The following SRRM2 variants were observed in gnomAD, a reference collection of about 807,000 sequenced individuals.
SRRM2 encodes serine/arginine repetitive matrix protein 2.
Under a neutral mutation model 213.8 loss-of-function variants are expected in SRRM2, and 30 were observed. The ratio of observed to expected loss-of-function variants is 0.14; its 90% CI spans 0.10 to 0.19. SRRM2 has a LOEUF of 0.19. Ranked by LOEUF, SRRM2 falls within the 10% of genes least tolerant of loss-of-function variation. The pLI, the probability that SRRM2 is intolerant of heterozygous loss-of-function variation, is 1.00. For missense variants in SRRM2, 4,904 were observed against 3,647.0 expected (o/e 1.34, Z -8.88); for synonymous variants, 2,025 against 1,377.7 (o/e 1.47, Z -10.40).
In SRRM2 at chr16:2,769,300, C is replaced by G. The variant is rs2068655741; in HGVS notation, c.8021+16C>G. The G allele has an allele frequency of 6.5e-7, 1 of 1,540,922 alleles. No homozygotes were observed. Among genetic ancestry groups the G allele is most frequent in the African/African-American group, 1.4e-5 (1 of 72,694 alleles). ...GCGAGCGGAGGTGAGTGCTGTCTTG[C>G]CTGAGTTGAAAGGTGGGTGGGGGAG... is the stretch of plus-strand genomic sequence containing the variant. On this transcript the variant is annotated intron_variant, in intron 12 of 14. Coordinates refer to ENST00000301740, the MANE Select transcript of SRRM2 (RefSeq NM_016333.4).
In SRRM2 at chr16:2,759,020, A is replaced by G. The variant is rs781675577; in HGVS notation, c.629A>G (p.Lys210Arg). ...SESSSPRRER[K>R]KSSKKKKHRS... ...AGCAGCTCTCCTCGACGGGAGAGAA[A>G]GAAAAGCTCAAAGAAGAAGAAGCAC... The change falls in exon 6 of 15, where the codon AAG becomes AGG. Residue 210 changes from lysine (K) to arginine (R), a missense_variant. Transcript: ENST00000301740. 20 of 1,614,108 alleles carry G rather than the reference A, an allele frequency of 1.2e-5. No homozygotes were observed. The Middle Eastern group carries it at 4.9e-4, about 40-fold the overall frequency.
At chr16:2,769,308 GA>G in intron 12 of SRRM2, 24 bp downstream of exon 12, 1 of 1,535,906 alleles carries the variant, frequency 6.5e-7, no homozygotes, top group Non-Finnish European at 8.8e-7. Flanking sequence ...TGCCTGAGTT[GA>G]AAGGTGGGTG....
Position 2,768,139 on chromosome 16 carries a change from G to T in SRRM2, c.7611G>T (p.Ser2537=). The T allele has an allele frequency of 6.2e-7, 1 of 1,613,590 alleles. No homozygotes were observed. Among genetic ancestry groups the T allele is most frequent in the Non-Finnish European group, 8.5e-7 (1 of 1,179,634 alleles). ...AKERRSSSSS[S]SSSSSSSSSS... is the part of the protein sequence containing the mutation. ...AGCGGCGGAGTTCCTCCTCGTCGTC[G>T]TCGTCCTCTAGCTCCTCCTCTTCTT... The change falls in exon 11 of 15, where the codon TCG becomes TCT. Residue 2537 remains serine (S), a synonymous_variant. Transcript: ENST00000301740.
Position 2,764,529 on chromosome 16 carries a change from G to A in SRRM2, c.4001G>A (p.Arg1334Lys), listed in dbSNP as rs760640254. 1.2e-6 allele frequency: 2 copies of A among 1,614,166 alleles called. No individual in the cohort carries two copies. The highest frequency in any genetic ancestry group is 1.7e-6 in the Non-Finnish European group (2 of 1,180,030). Residue 1334 changes from arginine to lysine, a missense_variant, in exon 11 of 15, where the codon AGA becomes AAA. Physicochemically the swap from Arg to Lys is conservative, Grantham distance 26. Transcript: ENST00000301740. The stretch of plus-strand genomic sequence containing the variant: ...AGCTTTGGATCACCTTTAGAATTTA[G>A]AAACTCAGGCCCACTTGGTACAGAA... The part of the protein sequence containing the change: ...ENSFGSPLEF[R>K]NSGPLGTEMN...
rs1161088194 is a variant in SRRM2, at chr16:2,762,991, G to A, written c.2463G>A (p.Pro821=). ...PPRRSRSSSS[P]PPKQKSKTPS... ...GACGCAGTCGCTCCAGTTCTTCTCC[G>A]CCACCTAAACAGAAATCTAAGACAC... The change falls in exon 11 of 15, where the codon CCG becomes CCA. Residue 821 remains proline (P), a synonymous_variant. Transcript: ENST00000301740. 8.1e-6 allele frequency: 13 copies of A among 1,613,634 alleles called. No individual in the cohort carries two copies. The highest frequency in any genetic ancestry group is 2.2e-5 in the East Asian group (1 of 44,862).
At position 2,765,569 on chromosome 16, in the gene SRRM2, A is replaced by C. The variant is rs1157859731; in HGVS notation, c.5041A>C (p.Lys1681Gln). Residue 1681 changes from lysine to glutamine, a missense_variant, in exon 11 of 15, where the codon AAG becomes CAG. By Grantham distance (53) the Lys-to-Gln change is moderately conservative. Transcript: ENST00000301740. The part of the protein sequence containing the change: ...GSRSSPEPKT[K>Q]SRTPPRRRSS... Reference sequence around the variant, plus strand: ...CAGGTCATCACCAGAGCCCAAGACCAAGTCTCGTACACCACCTCGACGTCG... The same window carrying C: ...CAGGTCATCACCAGAGCCCAAGACCCAGTCTCGTACACCACCTCGACGTCG... The C allele has an allele frequency of 1.2e-6, 2 of 1,614,062 alleles. No homozygotes were observed. Among genetic ancestry groups the C allele is most frequent in the Non-Finnish European group, 8.5e-7 (1 of 1,180,026 alleles).
Position 2,767,950 on chromosome 16 carries a change from C to A in SRRM2, c.7422C>A (p.Ser2474=). The change falls in exon 11 of 15, where the codon TCC becomes TCA. Residue 2474 remains serine (S), a synonymous_variant. Coordinates refer to ENST00000301740, the MANE Select transcript of SRRM2 (RefSeq NM_016333.4). ...CCACCCCTGTAGCAGGGTCTCAGTC[C>A]CTTTCCTCTGGGGCAGTGGCAACGA... is the stretch of plus-strand genomic sequence containing the variant. ...AQTTPVAGSQ[S]LSSGAVATTT... 1 of 1,614,176 alleles carries A rather than the reference C, an allele frequency of 6.2e-7. No homozygotes were observed. The highest frequency in any genetic ancestry group is 8.5e-7 in the Non-Finnish European group (1 of 1,180,026).
intron 1 of SRRM2, among the ~76,000 whole-genome samples, 182 bp downstream of exon 1, chr16:2,753,028 C>G (rs1310232356): frequency 8.1e-6 from 1 of 123,142 alleles, no homozygotes; most frequent in Non-Finnish European, 1.7e-5. Context: ...CTGTCGCGCG[C>G]GGGCTTCACC....
At position 2,771,097 on chromosome 16, in the gene SRRM2, G is replaced by GGGTGGT; in HGVS notation, c.*230_*231insGGTGGT. On this transcript the variant is annotated 3_prime_UTR_variant, in exon 15 of 15. Coordinates refer to ENST00000301740, the MANE Select transcript of SRRM2 (RefSeq NM_016333.4). Reference sequence around the variant, plus strand: ...GTTCTGGGGGGTTTGGGGTGGGAGGGAATGCAGATGGGAGTTGGGGGAGGG... The same window carrying GGGTGGT: ...GTTCTGGGGGGTTTGGGGTGGGAGGGGGTGGTAATGCAGATGGGAGTTGGGGGAGGG... 5.9e-6 allele frequency: 2 copies of GGGTGGT among 336,636 alleles called. No homozygotes were observed. The highest frequency in any genetic ancestry group is 5.7e-6 in the Non-Finnish European group (1 of 174,698). 20.9% of individuals were successfully genotyped at this position (336,636 alleles called of 1,614,324 possible).
chr16:2,760,203 C>A, intron 9 of SRRM2, 98 bp from the exon 10 acceptor site: 1 of 1,212,970 alleles, frequency 8.2e-7, no homozygotes, highest in Non-Finnish European at 1.2e-6. Context: ...AGAGGGTTGT[C>A]CAGTTAGGAA....
rs755088780 is a variant in SRRM2, at chr16:2,763,326, C to T, written c.2798C>T (p.Ser933Phe). 1.6e-5 allele frequency: 26 copies of T among 1,614,192 alleles called. No homozygotes were observed. The highest frequency in any genetic ancestry group is 1.6e-4 in the Middle Eastern group (1 of 6,062). ...ISPRQRSHSG[S>F]SSPSPSRVTS... ...CCAAGACAAAGAAGCCATTCTGGCTCCTCTTCTCCAAGTCCTAGTAGGGTG... is the reference window on the plus strand; with the variant it reads ...CCAAGACAAAGAAGCCATTCTGGCTTCTCTTCTCCAAGTCCTAGTAGGGTG... The change falls in exon 11 of 15, where the codon TCC (serine) becomes TTC (phenylalanine). Residue 933 changes from serine (S) to phenylalanine (F), a missense_variant. Transcript: ENST00000301740.
chr16:2,767,860 G>T lies in SRRM2; in HGVS notation c.7332G>T (p.Gln2444His), dbSNP rs1328336738. 6.2e-7 allele frequency: 1 copy of T among 1,614,124 alleles called. No individual in the cohort carries two copies. Among genetic ancestry groups the T allele is most frequent in the African/African-American group, 1.3e-5 (1 of 75,024 alleles). Residue 2444 changes from glutamine to histidine, a missense_variant, in exon 11 of 15, where the codon CAG (glutamine) becomes CAT (histidine). By Grantham distance (24) the Gln-to-His change is conservative (BLOSUM62 0). Coordinates refer to ENST00000301740, the MANE Select transcript of SRRM2 (RefSeq NM_016333.4). Reference protein sequence around the residue: ...APSQSLLPPAQDQPRSPVPSA... With the variant: ...APSQSLLPPAHDQPRSPVPSA... Reference sequence around the variant, plus strand: ...CACAGTCTCTTCTCCCTCCAGCACAGGATCAGCCGAGGTCTCCTGTGCCTT... The same window carrying T: ...CACAGTCTCTTCTCCCTCCAGCACATGATCAGCCGAGGTCTCCTGTGCCTT...
At chr16:2,768,914 C>A (rs769414446) in intron 11 of SRRM2, 83 bp from the exon 12 acceptor site, 10 of 1,584,748 alleles carry the variant, frequency 6.3e-6, no homozygotes, top group Non-Finnish European at 3.4e-6. Flanking sequence ...ACCCCTCCCC[C>A]CACTGCCGTT....
chr16:2,768,087 C>T lies in SRRM2; in HGVS notation c.7559C>T (p.Ala2520Val). Residue 2520 changes from alanine (A) to valine (V), a missense_variant, in exon 11 of 15, where the codon GCA (alanine) becomes GTA (valine). Ala to Val is a moderately conservative substitution (Grantham distance 64). Transcript: ENST00000301740. Reference protein sequence around the residue: ...PASTGAQQPSALAALQPAKER... With the variant: ...PASTGAQQPSVLAALQPAKER... ...TCTACTGGGGCCCAGCAGCCTTCTG[C>T]ATTAGCCGCCCTGCAGCCAGCAAAG... 1 of 1,614,186 alleles carries T rather than the reference C, an allele frequency of 6.2e-7. No homozygotes were observed. Among genetic ancestry groups the T allele is most frequent in the Non-Finnish European group, 8.5e-7 (1 of 1,180,016 alleles).
At position 2,766,855 on chromosome 16, in the gene SRRM2, C is replaced by T. The variant is rs1474168958; in HGVS notation, c.6327C>T (p.Leu2109=). The change falls in exon 11 of 15, where the codon CTC becomes CTT. Residue 2109 remains leucine (L), a synonymous_variant. Coordinates refer to ENST00000301740, the MANE Select transcript of SRRM2 (RefSeq NM_016333.4). The surrounding 1 kb of genome is among the most constrained non-coding windows in gnomAD (Gnocchi z 7.0). Reference sequence around the variant, plus strand: ...GTTCACGGACACCTCCAGTAGCACTCAACAGTTCCAGAATGAGCTGCTTCA... The same window carrying T: ...GTTCACGGACACCTCCAGTAGCACTTAACAGTTCCAGAATGAGCTGCTTCA... The part of the protein sequence containing the change: ...HSGSRTPPVA[L]NSSRMSCFSR... 1 of 1,614,180 alleles carries T rather than the reference C, an allele frequency of 6.2e-7. No homozygotes were observed. Among genetic ancestry groups the T allele is most frequent in the Admixed American group, 1.7e-5 (1 of 60,032 alleles).
chr16:2,768,915 CA>C (rs1402950031), intron 11 of SRRM2, 81 bp from the exon 12 acceptor site: 9 of 1,585,714 alleles, frequency 5.7e-6, no homozygotes, highest in Non-Finnish European at 7.7e-6. Context: ...CCCCTCCCCC[CA>C]CTGCCGTTCC....
Position 2,765,315 on chromosome 16 carries a change from G to A in SRRM2, c.4787G>A (p.Ser1596Asn). ...DSKSRLSPRR[S>N]RSGSSPEVKD... ...AAATCTCGACTATCCCCTCGGCGCA[G>A]TAGGTCTGGTTCCTCCCCTGAAGTG... Residue 1596 changes from serine (S) to asparagine (N), a missense_variant, in exon 11 of 15, where the codon AGT becomes AAT. Ser to Asn is a conservative substitution (Grantham distance 46). Transcript: ENST00000301740. 1.9e-6 allele frequency: 3 copies of A among 1,614,156 alleles called. No individual in the cohort carries two copies. Among genetic ancestry groups the A allele is most frequent in the Non-Finnish European group, 2.5e-6 (3 of 1,180,028 alleles).
rs1441941692 is a variant in SRRM2 at position 2,763,451 on chromosome 16, C to A, written c.2923C>A (p.Pro975Thr). ...ATACAGTCATTCTGGGTCCTCCTCA[C>A]CAGATACCAAAGTGAAACCTGAAAC... ...PRYSHSGSSS[P>T]DTKVKPETPP... The change falls in exon 11 of 15, where the codon CCA (proline) becomes ACA (threonine). Residue 975 changes from proline (P) to threonine (T), a missense_variant. Physicochemically the swap from Pro to Thr is conservative, Grantham distance 38. Coordinates refer to ENST00000301740, the MANE Select transcript of SRRM2 (RefSeq NM_016333.4). The A allele has an allele frequency of 2.5e-6, 4 of 1,614,220 alleles. No individual in the cohort carries two copies. Among genetic ancestry groups the A allele is most frequent in the Non-Finnish European group, 3.4e-6 (4 of 1,180,044 alleles).
chr16:2,767,938 A>G lies in SRRM2; in HGVS notation c.7410A>G (p.Ala2470=), dbSNP rs1235026240. The change falls in exon 11 of 15, where the codon GCA becomes GCG. Residue 2470 remains alanine (A), a synonymous_variant. Transcript: ENST00000301740. ...RCLIAQTTPV[A]GSQSLSSGAV... ...TGATTGCCCAGACCACCCCTGTAGC[A>G]GGGTCTCAGTCCCTTTCCTCTGGGG... 1 of 1,614,146 alleles carries G rather than the reference A, an allele frequency of 6.2e-7. No homozygotes were observed. The highest frequency in any genetic ancestry group is 1.7e-5 in the Admixed American group (1 of 60,018).
Sources: gnomAD v4.1 joint callset for allele counts (sites outside exome capture counted in the v4.1 genomes callset) on GRCh38, gnomAD v4.1.1 for gene constraint, Gnocchi (gnomAD v3.1) non-coding constraint, MANE v1.5 for transcripts, NCBI Gene and HGNC (gene_info 2026-07-23, HGNC 2026-07-21) for gene names.